The following ITPR1 variants were observed in gnomAD, a reference collection of about 807,000 sequenced individuals.
ITPR1 encodes inositol 1,4,5-trisphosphate receptor type 1.
In ITPR1, 96 loss-of-function variants were observed where a neutral mutation model predicts 318.4. The observed-to-expected ratio is 0.30, with a 90% confidence interval of 0.26 to 0.36. ITPR1 has a LOEUF of 0.36. ITPR1 is among the 10% of genes least tolerant of loss of function. ITPR1 has a pLI of 1.00. For missense variants in ITPR1, 2,440 were observed against 3,460.2 expected (o/e 0.71, Z 7.40); for synonymous variants, 1,312 against 1,289.9 (o/e 1.02, Z -0.37).
Position 4,845,606 on chromosome 3 carries a change from C to T in ITPR1, c.8191-533C>T, listed in dbSNP as rs2106558334. ...TTTACAGCATTTAATCATTCTGGAC[C>T]TCAAAGAGATTTGAGAACATTTCTC... On this transcript the variant is annotated intron_variant, in intron 61 of 61. Transcript: ENST00000649015. Among the ~76,000 whole-genome samples the T allele has an allele frequency of 1.3e-5, 2 of 152,274 alleles. 1 individual carries two copies. The highest frequency in any genetic ancestry group is 4.1e-4 in the South Asian group (2 of 4,828).
chr3:4,603,586 C>T (rs2091469833), intron 4 of ITPR1, among the ~76,000 whole-genome samples: 1 of 152,118 alleles, frequency 6.6e-6, no homozygotes, highest in Non-Finnish European at 1.5e-5. Flanking sequence ...CGCGCCACCA[C>T]ACCTAGCTAA....
In ITPR1 at chr3:4,725,168, G is replaced by A. The variant is rs540458259; in HGVS notation, c.5137-378G>A. Among the ~76,000 whole-genome samples, 16 of 152,076 alleles carry A rather than the reference G, an allele frequency of 1.1e-4. No individual in the cohort carries two copies. In the South Asian group the frequency reaches 2.9e-3, roughly 28 times the overall value. ...TACCCCTGCTCCCCTGAGAGCCTCC[G>A]TGGACACGCATACTATTGCTTTCCT... On this transcript the variant is annotated intron_variant, in intron 40 of 61. Transcript: ENST00000649015.
chr3:4,738,137 C>T (rs905854656), intron 44 of ITPR1, among the ~76,000 whole-genome samples: 2 of 151,680 alleles, frequency 1.3e-5, no homozygotes, highest in Non-Finnish European at 2.9e-5. Flanking sequence ...AGTGGTGAAG[C>T]AATCTATGTG....
At chr3:4,611,638 G>A (rs1378864802) in intron 4 of ITPR1, among the ~76,000 whole-genome samples, 3 of 151,776 alleles carry the variant, frequency 2.0e-5, no homozygotes, top group Admixed American at 6.6e-5. Context: ...CCAGGTACTC[G>A]GGAGGCTGAG....
At chr3:4,574,066 C>T (rs2088336339) in intron 4 of ITPR1, among the ~76,000 whole-genome samples, 2 of 152,172 alleles carry the variant, frequency 1.3e-5, no homozygotes, top group South Asian at 4.1e-4. Context: ...ACACATGGCG[C>T]CTTAGGTGGA....
At chr3:4,687,836 TG>T (rs2094420839) in intron 30 of ITPR1, among the ~76,000 whole-genome samples, 1 of 152,134 alleles carries the variant, frequency 6.6e-6, no homozygotes, top group South Asian at 2.1e-4. Flanking sequence ...GGTTAAAAAT[TG>T]TACTTGGGAT....
chr3:4,551,340 C>T (rs2085544527), intron 4 of ITPR1, among the ~76,000 whole-genome samples: 1 of 152,122 alleles, frequency 6.6e-6, no homozygotes, highest in Non-Finnish European at 1.5e-5. Flanking sequence ...TTCTACTGGC[C>T]CTCACTTTTG....
intron 16 of ITPR1, 146 bp from the exon 17 acceptor site, chr3:4,664,992 A>G: frequency 1.3e-6 from 1 of 771,404 alleles, no homozygotes; most frequent in East Asian, 2.6e-5. Context: ...GATGGGCTGA[A>G]TGCAGTGTTC....
chr3:4,580,396 C>A (rs2089204680), intron 4 of ITPR1, among the ~76,000 whole-genome samples: 1 of 152,106 alleles, frequency 6.6e-6, no homozygotes, highest in Admixed American at 6.5e-5. Flanking sequence ...TCCTTATGAC[C>A]CACATTACCC....
chr3:4,635,641 A>G lies in ITPR1; in HGVS notation c.280-3743A>G, dbSNP rs143352292. On this transcript the variant is annotated intron_variant, in intron 5 of 61. Coordinates refer to ENST00000649015, the MANE Select transcript of ITPR1 (RefSeq NM_001378452.1). ...ATTACAGGCATGAGCCACTGCGCCC[A>G]GCCAAAAGGTGCTAACTCAGTATCT... Among the ~76,000 whole-genome samples, 569 of 152,018 alleles carry G rather than the reference A, an allele frequency of 3.7e-3. 7 individuals carry two copies. The highest frequency in any genetic ancestry group is 0.028 in the East Asian group (142 of 5,122).
chr3:4,798,445 G>A (rs1214743504), intron 53 of ITPR1, among the ~76,000 whole-genome samples: 1 of 152,206 alleles, frequency 6.6e-6, no homozygotes, highest in Non-Finnish European at 1.5e-5. Flanking sequence ...AAAAAGATGG[G>A]CACTGCCAAG....
chr3:4,664,183 T>C (rs2093897076), intron 16 of ITPR1, among the ~76,000 whole-genome samples: 1 of 152,240 alleles, frequency 6.6e-6, no homozygotes, highest in African/African-American at 2.4e-5. Flanking sequence ...TAGGCTCTTA[T>C]AGAGTGCCCT....
chr3:4,702,233 C>T (rs535157915), intron 35 of ITPR1, among the ~76,000 whole-genome samples: 16 of 152,226 alleles, frequency 1.1e-4, no homozygotes, highest in Non-Finnish European at 2.1e-4. Flanking sequence ...CATGTAACTT[C>T]GAAGTACTCA....
At chr3:4,674,763 C>T (rs546945521) in intron 22 of ITPR1, among the ~76,000 whole-genome samples, 14 of 151,910 alleles carry the variant, frequency 9.2e-5, no homozygotes, top group African/African-American at 3.4e-4. Flanking sequence ...TTATCTGTGT[C>T]CTTATTGGGA....
At chr3:4,818,349 G>A (rs1400693448) in intron 60 of ITPR1, 107 bp downstream of exon 60, 12 of 860,858 alleles carry the variant, frequency 1.4e-5, no homozygotes, top group East Asian at 5.3e-5. Flanking sequence ...AATAACATCC[G>A]ATGTTGCCTG....
intron 60 of ITPR1, among the ~76,000 whole-genome samples, chr3:4,833,854 C>G (rs1449833600): frequency 1.7e-4 from 26 of 152,224 alleles, no homozygotes; most frequent in Admixed American, 6.5e-5. Flanking sequence ...ACTACTCTCT[C>G]TACCGCTCCT....
chr3:4,601,779 G>A (rs1575671913), intron 4 of ITPR1, among the ~76,000 whole-genome samples: 1 of 152,154 alleles, frequency 6.6e-6, no homozygotes, highest in Non-Finnish European at 1.5e-5. Flanking sequence ...TAGAAAAGTA[G>A]ACAATACTTT....
intron 30 of ITPR1, among the ~76,000 whole-genome samples, chr3:4,687,598 A>C (rs1209226074): frequency 6.6e-6 from 1 of 152,214 alleles, no homozygotes; most frequent in Non-Finnish European, 1.5e-5. Flanking sequence ...AAGAATATGA[A>C]GGATGATTTC....
intron 33 of ITPR1, among the ~76,000 whole-genome samples, chr3:4,696,235 A>G (rs575237392): frequency 2.0e-5 from 3 of 152,204 alleles, no homozygotes; most frequent in Admixed American, 6.5e-5. Flanking sequence ...TCATCACCCC[A>G]AAAAGAAACC....
Sources: gnomAD v4.1 joint callset for allele counts (sites outside exome capture counted in the v4.1 genomes callset) on GRCh38, gnomAD v4.1.1 for gene constraint, MANE v1.5 for transcripts, NCBI Gene and HGNC (gene_info 2026-07-23, HGNC 2026-07-21) for gene names.